Variants in ANKRD62 observed in about 807,000 individuals in gnomAD.
ANKRD62 encodes ankyrin repeat domain-containing protein 62.
ANKRD62 carries 61 observed loss-of-function variants against 98.8 expected under a neutral mutation model. The observed-to-expected ratio is 0.62, with a 90% CI of 0.50 to 0.76. The LOEUF is 0.76. Among genes scored for constraint, ANKRD62 ranks in the 30% least tolerant of loss-of-function variants. The pLI is 0.00. For synonymous variants in ANKRD62, 341 were observed against 367.9 expected, an observed-to-expected ratio of 0.93 and a Z score of 0.84; for missense variants, 933 against 1,082.9, an observed-to-expected ratio of 0.86 and a Z score of 1.94.
chr18:12,117,560 T>C (rs753509131), intron 10 of ANKRD62, among the ~76,000 whole-genome samples: 4 of 152,240 alleles, frequency 2.6e-5, no homozygotes, highest in African/African-American at 7.2e-5. Context: ...GGAGAACATA[T>C]TCAGTTTTTC....
chr18:12,141,699 T>C, the ANKRD62 span, among the ~76,000 whole-genome samples: 11 of 95,106 alleles, frequency 1.2e-4, no homozygotes, highest in African/African-American at 3.5e-4. Flanking sequence ...TGGAGAACTG[T>C]TGTGGTCCTT....
At chr18:12,138,257 C>G in the ANKRD62 span, among the ~76,000 whole-genome samples, 76 of 151,342 alleles carry the variant, frequency 5.0e-4, no homozygotes, top group Non-Finnish European at 8.5e-4. Context: ...CTTTGTTCTC[C>G]TTGGTTTCAA....
chr18:12,118,899 A>AT (rs1189787621), intron 10 of ANKRD62, among the ~76,000 whole-genome samples: 8 of 152,148 alleles, frequency 5.3e-5, no homozygotes, highest in African/African-American at 9.7e-5. Flanking sequence ...TAATGCTAAC[A>AT]TTAAAGAGTG....
In ANKRD62 at chr18:12,099,654, A is replaced by G; in HGVS notation, c.792A>G (p.Arg264=). Residue 264 remains arginine (R), a synonymous_variant, in exon 6 of 14, where the codon AGA becomes AGG. Transcript: ENST00000587848. ...TTTCTGAATATAAAGCAAACAAGAG[A>G]TGTAAAAGTCTTCAAAATAGCAATT... ...GMISEYKANK[R]CKSLQNSNSE... is the part of the protein sequence containing the mutation. The G allele has an allele frequency of 2.0e-6, 3 of 1,499,964 alleles. No individual in the cohort carries two copies. The South Asian group carries it at 3.9e-5, about 19-fold the overall frequency. The allele number at this position is 1,499,964 out of a possible 1,614,324, so 92.9% of individuals were successfully genotyped here.
the ANKRD62 span, among the ~76,000 whole-genome samples, chr18:12,175,290 G>A: frequency 1.3e-5 from 2 of 152,068 alleles, no homozygotes; most frequent in African/African-American, 4.8e-5. Context: ...GTTGTCACAA[G>A]GGCAGGGTAG....
chr18:12,130,391 G>A (rs1035279756), downstream of ANKRD62, among the ~76,000 whole-genome samples: 40 of 152,044 alleles, frequency 2.6e-4, no homozygotes, highest in Non-Finnish European at 5.3e-4. Flanking sequence ...ATGAAAAAGC[G>A]AGCGGACAAA....
chr18:12,100,251 T>A (rs1246893655), intron 6 of ANKRD62, among the ~76,000 whole-genome samples: 1 of 152,200 alleles, frequency 6.6e-6, no homozygotes, highest in Non-Finnish European at 1.5e-5. Context: ...TATACTGTAT[T>A]GTTACTACAA....
In ANKRD62 at chr18:12,107,301, G is replaced by GA. The variant is rs1243169642; in HGVS notation, c.904dup (p.Met302AsnfsTer7). 2 of 1,489,086 alleles carry GA rather than the reference G, an allele frequency of 1.3e-6. No individual in the cohort carries two copies. Among genetic ancestry groups the GA allele is most frequent in the Non-Finnish European group, 1.8e-6 (2 of 1,127,138 alleles). The allele number at this position is 1,489,086 out of a possible 1,614,324, so 92.2% of individuals were successfully genotyped here. A position where few individuals can be genotyped will look rare whatever the true frequency, so the allele number is the denominator to read the frequency against. The stretch of plus-strand genomic sequence containing the variant: ...TATGAAACTTTCATTGAAGGTTGAA[G>GA]AAAAAATGAAGAAATGCAGAAATAA... On this transcript the variant is annotated frameshift_variant, in exon 8 of 14. Coordinates refer to ENST00000587848, the MANE Select transcript of ANKRD62 (RefSeq NM_001277333.2). LOFTEE classifies it high-confidence loss of function.
the ANKRD62 span, among the ~76,000 whole-genome samples, chr18:12,141,571 C>T: frequency 4.9e-5 from 7 of 142,208 alleles, no homozygotes; most frequent in South Asian, 4.9e-4. Flanking sequence ...TTGTGACTCT[C>T]GGTTTCCTTG....
the ANKRD62 span, among the ~76,000 whole-genome samples, chr18:12,170,659 A>AG: frequency 2.0e-5 from 3 of 152,270 alleles, no homozygotes; most frequent in Admixed American, 1.3e-4. Flanking sequence ...CTTGTTGCAG[A>AG]GCTGAGTTCA....
At position 12,118,833 on chromosome 18, in the gene ANKRD62, C is replaced by T. The variant is rs114171043; in HGVS notation, c.1240+3299C>T. On this transcript the variant is annotated intron_variant, in intron 10 of 13. Coordinates refer to ENST00000587848, the MANE Select transcript of ANKRD62 (RefSeq NM_001277333.2). ...CAAATTGGTTCAATTTTTACATTCA[C>T]GCTCATGAGGGAGTTTTTTTTATTG... 5.6e-3 allele frequency among the ~76,000 whole-genome samples: 814 copies of T among 146,500 alleles called. 8 individuals carry two copies. The highest frequency in any genetic ancestry group is 0.019 in the African/African-American group (769 of 40,456).
the ANKRD62 span, among the ~76,000 whole-genome samples, chr18:12,137,224 C>T: frequency 6.6e-6 from 1 of 152,114 alleles, no homozygotes; most frequent in Non-Finnish European, 1.5e-5. Flanking sequence ...TATGTCCCAT[C>T]AATATGTAAT....
intron 6 of ANKRD62, chr18:12,102,321 A>C: frequency 1.4e-6 from 1 of 706,116 alleles, no homozygotes; most frequent in Non-Finnish European, 2.7e-6. Context: ...GCTTGGTGAC[A>C]AGCCAATGTA....
At chr18:12,099,301 T>G (rs543292858) in intron 5 of ANKRD62, among the ~76,000 whole-genome samples, 5 of 152,332 alleles carry the variant, frequency 3.3e-5, no homozygotes, top group African/African-American at 1.2e-4. Context: ...CCTTCATTCT[T>G]TAGAAGAAGA....
the ANKRD62 span, among the ~76,000 whole-genome samples, chr18:12,138,745 A>G: frequency 1.3e-5 from 2 of 152,186 alleles, no homozygotes; most frequent in African/African-American, 2.4e-5. Flanking sequence ...TTGGGTGCAT[A>G]CATATTTAGG....
the ANKRD62 span, among the ~76,000 whole-genome samples, chr18:12,146,473 T>C: frequency 3.3e-5 from 5 of 152,180 alleles, no homozygotes; most frequent in African/African-American, 1.2e-4. Flanking sequence ...TGAGATAGAA[T>C]CTCCTTCTGT....
Position 12,094,234 on chromosome 18 carries a change from A to T in ANKRD62, c.217A>T (p.Arg73Trp). Residue 73 changes from arginine (R) to tryptophan (W), a missense_variant and splice_region_variant, in exon 1 of 14, where the codon AGG (arginine) becomes TGG (tryptophan). By Grantham distance (101) the Arg-to-Trp change is moderately radical. This residue lies in a region of ANKRD62 where 549 missense variants were observed against 587.9 expected (regional missense o/e 0.93). Coordinates refer to ENST00000587848, the MANE Select transcript of ANKRD62 (RefSeq NM_001277333.2). ...CTTGAACGACAGGGACAAGAAGAAC[A>T]GGTAAGGGGAACAGGAAGCCGGGAG... Reference protein sequence around the residue: ...NDLNDRDKKNRTALLLACAHG... With the variant: ...NDLNDRDKKNWTALLLACAHG... The T allele has an allele frequency of 1.3e-6, 2 of 1,523,046 alleles. No individual in the cohort carries two copies. The highest frequency in any genetic ancestry group is 2.5e-5 in the East Asian group (1 of 40,332). 94.3% of individuals were successfully genotyped at this position (1,523,046 alleles called of 1,614,324 possible).
chr18:12,119,346 C>CTTTTTT, intron 10 of ANKRD62, among the ~76,000 whole-genome samples: 1 of 132,532 alleles, frequency 7.5e-6, no homozygotes, highest in Non-Finnish European at 1.6e-5. Flanking sequence ...TGATCTTCTT[C>CTTTTTT]TTTTTTTTTT....
chr18:12,107,892 G>A (rs7230333), intron 8 of ANKRD62, among the ~76,000 whole-genome samples: 128,478 of 152,092 alleles, frequency 0.84, 54,697 homozygotes, highest in Middle Eastern at 0.97. Flanking sequence ...TACATATGAT[G>A]TAGAAGATAT....
Sources: allele counts gnomAD v4.1 joint callset (sites outside exome capture counted in the v4.1 genomes callset), GRCh38; gene constraint gnomAD v4.1.1; regional missense constraint gnomAD v4.1.1; transcripts MANE v1.5; gene names NCBI Gene and HGNC (gene_info 2026-07-23, HGNC 2026-07-21).